The following IBTK variants were observed in gnomAD, a reference collection of about 807,000 sequenced individuals.
IBTK encodes the protein BTK-binding protein.
Under a neutral mutation model 154.9 loss-of-function variants are expected in IBTK, and 83 were observed. That is an observed-to-expected ratio of 0.54 (90% confidence interval 0.45 to 0.64). The LOEUF is 0.64. IBTK is among the 30% of genes least tolerant of loss of function. The pLI, the probability that IBTK is intolerant of heterozygous loss-of-function variation, is 0.00. For missense variants in IBTK, 1,332 were observed against 1,584.6 expected (o/e 0.84, Z 2.71); for synonymous variants, 515 against 536.1 (o/e 0.96, Z 0.54).
At chr6:82,218,985 G>C (rs1042597023) in intron 9 of IBTK, among the ~76,000 whole-genome samples, 5 of 152,106 alleles carry the variant, frequency 3.3e-5, no homozygotes, top group African/African-American at 9.7e-5. Flanking sequence ...TAAATATCCA[G>C]AAGTATAAGC....
intron 26 of IBTK, among the ~76,000 whole-genome samples, chr6:82,180,269 G>A (rs1269235973): frequency 6.6e-6 from 1 of 151,614 alleles, no homozygotes; most frequent in Non-Finnish European, 1.5e-5. Context: ...TTTTTGAGAC[G>A]GGGTCTCCCT....
intron 16 of IBTK, among the ~76,000 whole-genome samples, chr6:82,209,350 T>G (rs1345711619): frequency 4.6e-5 from 7 of 152,242 alleles, no homozygotes; most frequent in African/African-American, 1.7e-4. Flanking sequence ...ATAAATGTGT[T>G]ATATCCACAC....
chr6:82,200,500 A>AT (rs931867059), intron 20 of IBTK, 87 bp downstream of exon 20: 8 of 1,188,330 alleles, frequency 6.7e-6, no homozygotes, highest in Non-Finnish European at 9.2e-6. Context: ...CAAAAGTGTC[A>AT]TATGTCCAAG....
chr6:82,229,969 A>T (rs780606640), intron 4 of IBTK, among the ~76,000 whole-genome samples: 16 of 152,136 alleles, frequency 1.1e-4, no homozygotes, highest in Admixed American at 3.3e-4. Context: ...TTTTAGTTTA[A>T]AAAATAGTGT....
In IBTK at chr6:82,211,518, AC is replaced by A. The variant is rs756732255; in HGVS notation, c.2345del (p.Cys782PhefsTer17). The A allele has an allele frequency of 1.1e-5, 18 of 1,613,780 alleles. No individual in the cohort carries two copies. The highest frequency in any genetic ancestry group is 1.4e-5 in the Non-Finnish European group (17 of 1,179,718). On this transcript the variant is annotated frameshift_variant, in exon 14 of 29. Coordinates refer to ENST00000306270, the MANE Select transcript of IBTK (RefSeq NM_015525.4). LOFTEE classifies it high-confidence loss of function. ...MKSVDGKEFP[C>X]HKCVLCARLE... ...GTCTAGCACAAAGAACACATTTATG[AC>A]AAGGAAATTCCTTTCCATCCACTGA... is the stretch of plus-strand genomic sequence containing the variant.
Position 82,202,014 on chromosome 6 carries a change from C to T in IBTK, c.2729+514G>A, listed in dbSNP as rs1023963075. ...GTGCTGGGATTACAAGCATAAGCCACCACACCCGGCCTCAAGCAACTATTA... is the reference window on the plus strand; with the variant it reads ...GTGCTGGGATTACAAGCATAAGCCATCACACCCGGCCTCAAGCAACTATTA... On this transcript the variant is annotated intron_variant, in intron 18 of 28. Coordinates refer to ENST00000306270, the MANE Select transcript of IBTK (RefSeq NM_015525.4). Among the ~76,000 whole-genome samples the T allele has an allele frequency of 2.0e-5, 3 of 152,174 alleles. No individual in the cohort carries two copies. In the South Asian group the frequency reaches 6.2e-4, roughly 31 times the overall value.
intron 4 of IBTK, among the ~76,000 whole-genome samples, chr6:82,230,528 G>T (rs1001702642): frequency 2.6e-5 from 4 of 152,120 alleles, no homozygotes; most frequent in African/African-American, 9.7e-5. Context: ...CAAAAAAAGA[G>T]CTTGAAAAGG....
At chr6:82,231,675 C>T in intron 4 of IBTK, 43 bp downstream of exon 4, 1 of 1,465,310 alleles carries the variant, frequency 6.8e-7, no homozygotes, top group Non-Finnish European at 9.2e-7. Context: ...TACAAAAGTT[C>T]TTTCTCATCT....
chr6:82,184,058 A>C (rs987918329), intron 25 of IBTK, among the ~76,000 whole-genome samples: 1 of 152,236 alleles, frequency 6.6e-6, no homozygotes, highest in African/African-American at 2.4e-5. Flanking sequence ...TTACAGCAGC[A>C]CAAAATGAAC....
At chr6:82,190,156 A>G (rs551527893) in intron 25 of IBTK, among the ~76,000 whole-genome samples, 11 of 152,284 alleles carry the variant, frequency 7.2e-5, no homozygotes, top group Non-Finnish European at 1.3e-4. Context: ...TGGACCTACT[A>G]ATAGCCCTAA....
At chr6:82,240,142 T>C in intron 2 of IBTK, 24 bp downstream of exon 2, 1 of 1,574,124 alleles carries the variant, frequency 6.4e-7, no homozygotes, top group Non-Finnish European at 8.7e-7. Context: ...CTAAATACGT[T>C]TAAAATAAAC....
intron 28 of IBTK, 152 bp from the exon 29 acceptor site, chr6:82,171,708 T>C (rs1767933365): frequency 3.0e-6 from 2 of 676,288 alleles, no homozygotes; most frequent in Admixed American, 5.7e-5. Context: ...TTAAATCAGG[T>C]ATCCTGCTAT....
At chr6:82,188,759 GT>G (rs1187394353) in intron 25 of IBTK, among the ~76,000 whole-genome samples, 3 of 152,164 alleles carry the variant, frequency 2.0e-5, no homozygotes, top group Non-Finnish European at 2.9e-5. Flanking sequence ...AAAAAGTGTA[GT>G]GGCTCACACC....
At chr6:82,236,356 T>G (rs1469891269) in intron 2 of IBTK, among the ~76,000 whole-genome samples, 1 of 152,208 alleles carries the variant, frequency 6.6e-6, no homozygotes, top group African/African-American at 2.4e-5. Flanking sequence ...GACAGTATAT[T>G]ATTTAATCCA....
At chr6:82,178,574 A>T (rs197249) in intron 26 of IBTK, among the ~76,000 whole-genome samples, 149,773 of 152,298 alleles carry the variant, frequency 0.98, 73,651 homozygotes, top group East Asian at 1. Context: ...CCAGAAGCTA[A>T]TATGAACACT....
intron 22 of IBTK, among the ~76,000 whole-genome samples, chr6:82,195,395 G>A (rs144710856): frequency 5.7e-4 from 86 of 152,054 alleles, no homozygotes; most frequent in African/African-American, 2.0e-3. Flanking sequence ...GAGCAACACG[G>A]CAAAACCCCA....
intron 25 of IBTK, 73 bp downstream of exon 25, chr6:82,191,000 A>G (rs2127802764): frequency 9.4e-7 from 1 of 1,059,790 alleles, no homozygotes; most frequent in East Asian, 3.1e-5. Context: ...GTGGGAAGGA[A>G]CTCCAAAGTC....
intron 23 of IBTK, 95 bp downstream of exon 23, chr6:82,194,384 T>C (rs1768901428): frequency 1.1e-6 from 1 of 873,214 alleles, no homozygotes; most frequent in South Asian, 3.4e-5. Flanking sequence ...TTTATATTAA[T>C]ATTTCTTAAA....
chr6:82,216,187 A>G lies in IBTK; in HGVS notation c.1490T>C (p.Val497Ala). The change falls in exon 11 of 29, where the codon GTG becomes GCG. Residue 497 changes from valine to alanine, a missense_variant. Coordinates refer to ENST00000306270, the MANE Select transcript of IBTK (RefSeq NM_015525.4). Reference protein sequence around the residue: ...DVSYVSDINSVYERIRLEKLT... With the variant: ...DVSYVSDINSAYERIRLEKLT... Reference sequence around the variant, plus strand: ...TTTCTCAAGTCGAATTCTTTCATACACACTATTTATATCAGAGACATAAGA... The same window carrying G: ...TTTCTCAAGTCGAATTCTTTCATACGCACTATTTATATCAGAGACATAAGA... 1 of 1,612,110 alleles carries G rather than the reference A, an allele frequency of 6.2e-7. No homozygotes were observed. The highest frequency in any genetic ancestry group is 2.2e-5 in the East Asian group (1 of 44,844).
Sources: allele counts gnomAD v4.1 joint callset (sites outside exome capture counted in the v4.1 genomes callset), GRCh38; gene constraint gnomAD v4.1.1; transcripts MANE v1.5; gene names NCBI Gene and HGNC (gene_info 2026-07-23, HGNC 2026-07-21).